Variants in GFPT1 observed in about 807,000 individuals in gnomAD.
The protein encoded by GFPT1 is glutamine--fructose-6-phosphate transaminase 1.
GFPT1 carries 40 observed loss-of-function variants against 92.0 expected under a neutral mutation model. The observed-to-expected ratio is 0.43, with a 90% CI of 0.34 to 0.57. The LOEUF (loss-of-function observed/expected upper bound fraction) is 0.57. GFPT1 is among the 20% of genes least tolerant of loss of function. The pLI is 0.02. For missense variants in GFPT1, 448 were observed against 869.1 expected (o/e 0.52, Z 6.09); for synonymous variants, 269 against 280.6 (o/e 0.96, Z 0.41).
At chr2:69,370,390 A>T (rs1671717246) in intron 2 of GFPT1, among the ~76,000 whole-genome samples, 1 of 152,338 alleles carries the variant, frequency 6.6e-6, no homozygotes, top group Non-Finnish European at 1.5e-5. Flanking sequence ...TAATAAAAAT[A>T]CTACAGGTTA....
In GFPT1 at chr2:69,387,191, C is replaced by T; in HGVS notation, c.-120G>A. On this transcript the variant is annotated 5_prime_UTR_variant, in exon 1 of 20. Transcript: ENST00000357308. ...GGCCGGGGTGGCGCCGACACGACTC[C>T]CTCGGGGATGCGACGGCCAAGGCAA... 8.7e-7 allele frequency: 1 copy of T among 1,143,130 alleles called. No individual in the cohort carries two copies. Among genetic ancestry groups the T allele is most frequent in the Non-Finnish European group, 1.2e-6 (1 of 835,250 alleles). 70.8% of individuals were successfully genotyped at this position (1,143,130 alleles called of 1,614,324 possible).
chr2:69,349,699 A>T (rs1249519189), intron 10 of GFPT1, among the ~76,000 whole-genome samples: 1 of 152,216 alleles, frequency 6.6e-6, no homozygotes, highest in East Asian at 1.9e-4. Context: ...ATTAGACTAA[A>T]ACTACAATAG....
chr2:69,328,388 T>C lies in GFPT1; in HGVS notation c.1776A>G (p.Glu592=). Residue 592 remains glutamate, a synonymous_variant, in exon 18 of 20, where the codon GAA becomes GAG. Coordinates refer to ENST00000357308, the MANE Select transcript of GFPT1 (RefSeq NM_001244710.2). The part of the protein sequence containing the change: ...YMHSEGILAG[E]LKHGPLALVD... ...CCAAAGCCAGAGGGCCATGTTTCAA[T>C]TCACCAGCAAGGATGCCTTCAGAGT... The C allele has an allele frequency of 6.2e-7, 1 of 1,613,586 alleles. No individual in the cohort carries two copies. Among genetic ancestry groups the C allele is most frequent in the South Asian group, 1.1e-5 (1 of 91,070 alleles).
At chr2:69,326,738 A>T (rs1248170613) in intron 19 of GFPT1, among the ~76,000 whole-genome samples, 176 bp downstream of exon 19, 1 of 152,244 alleles carries the variant, frequency 6.6e-6, no homozygotes, top group Admixed American at 6.5e-5. Context: ...TTCAAGTTCT[A>T]TGGGTAAGAA....
intron 15 of GFPT1, among the ~76,000 whole-genome samples, chr2:69,331,880 AAAG>A (rs1157547503): frequency 1.3e-5 from 2 of 152,162 alleles, no homozygotes; most frequent in Admixed American, 1.3e-4. Context: ...AAATTAAAAA[AAAG>A]AAGGTAGTTA....
chr2:69,379,533 G>A (rs1301032496), intron 1 of GFPT1, among the ~76,000 whole-genome samples: 2 of 151,640 alleles, frequency 1.3e-5, no homozygotes, highest in Non-Finnish European at 2.9e-5. Context: ...AGTATTATTT[G>A]AGATACATTT....
In GFPT1 at chr2:69,328,310, G is replaced by C. The variant is rs144719775; in HGVS notation, c.1854C>G (p.Ala618=). The change falls in exon 18 of 20, where the codon GCC becomes GCG. Residue 618 remains alanine, a synonymous_variant. Transcript: ENST00000357308. ...CTTGCTGAAGAGCATTCTGACACTTGGCATAAGTGTGATCTCTCATGATGA... is the reference window on the plus strand; with the variant it reads ...CTTGCTGAAGAGCATTCTGACACTTCGCATAAGTGTGATCTCTCATGATGA... ...IMIIMRDHTY[A]KCQNALQQVV... The C allele has an allele frequency of 6.2e-7, 1 of 1,613,326 alleles. No individual in the cohort carries two copies. Among genetic ancestry groups the C allele is most frequent in the Non-Finnish European group, 8.5e-7 (1 of 1,179,378 alleles).
At chr2:69,338,912 G>A (rs1032009532) in intron 13 of GFPT1, among the ~76,000 whole-genome samples, 1 of 149,188 alleles carries the variant, frequency 6.7e-6, no homozygotes, top group African/African-American at 2.5e-5. Context: ...CAATTCTCCT[G>A]CCTCAGCCTC....
At chr2:69,347,329 G>C (rs1671107859) in intron 11 of GFPT1, among the ~76,000 whole-genome samples, 1 of 151,960 alleles carries the variant, frequency 6.6e-6, no homozygotes, top group Non-Finnish European at 1.5e-5. Context: ...GAGATTACAG[G>C]CATGAGCCAC....
At position 69,348,337 on chromosome 2, in the gene GFPT1, A is replaced by G; in HGVS notation, c.846-3T>C. 2.5e-6 allele frequency: 4 copies of G among 1,608,164 alleles called. No individual in the cohort carries two copies. The highest frequency in any genetic ancestry group is 3.4e-6 in the Non-Finnish European group (4 of 1,174,524). The stretch of plus-strand genomic sequence containing the variant: ...GATTGGTGTGTTCTATGACAGCACT[A>G]TAAAGTTTTCAAGGAGATATTACAA... On this transcript the variant is annotated splice_region_variant and splice_polypyrimidine_tract_variant and intron_variant, in intron 10 of 19. Transcript: ENST00000357308.
chr2:69,374,857 T>G (rs1354463424), intron 1 of GFPT1, among the ~76,000 whole-genome samples: 1 of 152,196 alleles, frequency 6.6e-6, no homozygotes, highest in Non-Finnish European at 1.5e-5. Flanking sequence ...GAATAAATGA[T>G]ATGAAAAATA....
intron 6 of GFPT1, among the ~76,000 whole-genome samples, chr2:69,358,070 T>G (rs967468019): frequency 6.6e-6 from 1 of 152,186 alleles, no homozygotes; most frequent in East Asian, 1.9e-4. Context: ...ATATGCATAG[T>G]TTTTAGACAC....
intron 1 of GFPT1, among the ~76,000 whole-genome samples, chr2:69,383,623 CTTAT>C (rs1311012860): frequency 6.7e-6 from 1 of 150,046 alleles, no homozygotes; most frequent in African/African-American, 2.5e-5. Context: ...TATTTATTTA[CTTAT>C]TTATTTATTT....
At chr2:69,329,843 T>C (rs1320037712) in intron 15 of GFPT1, 45 bp from the exon 16 acceptor site, 1 of 965,612 alleles carries the variant, frequency 1.0e-6, no homozygotes, top group Admixed American at 1.7e-5. Context: ...CAGCTGCATC[T>C]GAAGAATTTA....
chr2:69,328,140 T>G (rs1471393864), intron 18 of GFPT1, 131 bp downstream of exon 18: 2 of 726,568 alleles, frequency 2.8e-6, no homozygotes, highest in African/African-American at 1.7e-5. Context: ...ATTCCTCACA[T>G]GTAAACCTCA....
intron 1 of GFPT1, among the ~76,000 whole-genome samples, chr2:69,376,700 A>G (rs1265156860): frequency 6.6e-6 from 1 of 152,046 alleles, no homozygotes; most frequent in African/African-American, 2.4e-5. Flanking sequence ...AGAAAAACTC[A>G]CTCCTAAACT....
At chr2:69,352,637 A>AGT (rs1671238252) in intron 9 of GFPT1, among the ~76,000 whole-genome samples, 1 of 150,850 alleles carries the variant, frequency 6.6e-6, no homozygotes, top group African/African-American at 2.4e-5. Flanking sequence ...AAAAAAAAAA[A>AGT]CAACTACTTT....
chr2:69,366,106 G>A (rs554462652), intron 3 of GFPT1, among the ~76,000 whole-genome samples: 1 of 151,606 alleles, frequency 6.6e-6, no homozygotes, highest in East Asian at 1.9e-4. Context: ...GAGCCACCAC[G>A]CCTGGCCTCT....
At chr2:69,358,188 A>T in intron 6 of GFPT1, 141 bp downstream of exon 6, 2 of 678,746 alleles carry the variant, frequency 2.9e-6, no homozygotes, top group Non-Finnish European at 5.1e-6. Flanking sequence ...GTTTCTCAAA[A>T]TTATTCAACT....
Sources: gnomAD v4.1 joint callset for allele counts (sites outside exome capture counted in the v4.1 genomes callset) on GRCh38, gnomAD v4.1.1 for gene constraint, MANE v1.5 for transcripts, NCBI Gene and HGNC (gene_info 2026-07-23, HGNC 2026-07-21) for gene names.